ANAPC10: variants seen among roughly 807,000 people sequenced by gnomAD.
The protein encoded by ANAPC10 is anaphase promoting complex subunit 10.
ANAPC10 carries 12 observed loss-of-function variants against 22.0 expected under a neutral mutation model. The observed-to-expected ratio is 0.55, with a 90% CI of 0.35 to 0.88. The LOEUF is 0.88. Ranked by LOEUF, ANAPC10 falls within the 40% of genes least tolerant of loss-of-function variation. The pLI is 0.01. For missense variants in ANAPC10, 188 were observed against 220.9 expected (o/e 0.85, Z 0.94); for synonymous variants, 65 against 69.5 (o/e 0.94, Z 0.32).
chr4:145,081,794 C>G (rs1560925413), intron 2 of ANAPC10, 44 bp from the exon 3 acceptor site: 1 of 1,318,606 alleles, frequency 7.6e-7, no homozygotes. Flanking sequence ...GAAAAAGAAA[C>G]AACTATACAT....
chr4:145,083,494 T>C (rs1746401254), intron 2 of ANAPC10, among the ~76,000 whole-genome samples: 1 of 152,156 alleles, frequency 6.6e-6, no homozygotes, highest in African/African-American at 2.4e-5. Flanking sequence ...TTGATAAATA[T>C]TGCCAAATTG....
chr4:145,069,869 C>CA (rs1744240437), intron 3 of ANAPC10, among the ~76,000 whole-genome samples: 1 of 151,820 alleles, frequency 6.6e-6, no homozygotes, highest in African/African-American at 2.4e-5. Flanking sequence ...AAAAGGTTCA[C>CA]AAAAAATGTA....
chr4:145,060,774 A>C (rs1742770952), intron 4 of ANAPC10, among the ~76,000 whole-genome samples: 1 of 152,054 alleles, frequency 6.6e-6, no homozygotes, highest in Non-Finnish European at 1.5e-5. Flanking sequence ...TTAGTATATG[A>C]GTCAGAAGCA....
intron 4 of ANAPC10, among the ~76,000 whole-genome samples, chr4:145,015,619 C>G (rs148058486): frequency 6.6e-6 from 1 of 152,138 alleles, no homozygotes; most frequent in African/African-American, 2.4e-5. Context: ...AAAAGATCAT[C>G]ACCTAGGCAC....
At chr4:145,034,434 C>A (rs941947355) in intron 4 of ANAPC10, among the ~76,000 whole-genome samples, 14 of 151,428 alleles carry the variant, frequency 9.2e-5, no homozygotes, top group African/African-American at 3.2e-4. Context: ...AGTTTTGGGA[C>A]TCTGACTGGC....
chr4:144,998,816 A>G (rs1415748297), intron 4 of ANAPC10, among the ~76,000 whole-genome samples: 1 of 152,192 alleles, frequency 6.6e-6, no homozygotes. Flanking sequence ...CAAAAAATCA[A>G]TGAATACAGG....
chr4:145,016,799 C>G lies in ANAPC10; in HGVS notation c.328-21196G>C, dbSNP rs542668703. ...TACAGACCAATGCAACAGAACAGAG[C>G]CCTCAGAAATAATACCACACATCTA... is the stretch of plus-strand genomic sequence containing the variant. On this transcript the variant is annotated intron_variant, in intron 4 of 4. Transcript: ENST00000507656. Among the ~76,000 whole-genome samples the G allele has an allele frequency of 1.1e-3, 161 of 152,104 alleles. 1 individual carries two copies. The highest frequency in any genetic ancestry group is 2.5e-3 in the South Asian group (12 of 4,816).
At chr4:145,059,629 A>G (rs183117510) in intron 4 of ANAPC10, among the ~76,000 whole-genome samples, 1 of 152,144 alleles carries the variant, frequency 6.6e-6, no homozygotes, top group Non-Finnish European at 1.5e-5. Flanking sequence ...CTCATATAAC[A>G]ATATAGAAAT....
intron 3 of ANAPC10, among the ~76,000 whole-genome samples, chr4:145,065,217 T>C (rs1743501965): frequency 6.6e-6 from 1 of 152,004 alleles, no homozygotes; most frequent in South Asian, 2.1e-4. Flanking sequence ...TCTTTCTTTC[T>C]TTCTTTCTTT....
intron 4 of ANAPC10, among the ~76,000 whole-genome samples, chr4:145,059,726 CAAT>C (rs1019508536): frequency 6.6e-6 from 1 of 151,896 alleles, no homozygotes; most frequent in African/African-American, 2.4e-5. Flanking sequence ...TTAAAAACAA[CAAT>C]AACTAGTTAG....
chr4:145,016,320 C>G (rs529288821), intron 4 of ANAPC10, among the ~76,000 whole-genome samples: 4 of 152,260 alleles, frequency 2.6e-5, no homozygotes, highest in African/African-American at 7.2e-5. Context: ...TTCTTATACA[C>G]CAATAACAAA....
chr4:145,089,132 T>C (rs1747308126), intron 2 of ANAPC10, among the ~76,000 whole-genome samples: 1 of 152,216 alleles, frequency 6.6e-6, no homozygotes, highest in South Asian at 2.1e-4. Context: ...TTCTATTATA[T>C]TGCTGTCTTA....
At chr4:145,055,120 T>G (rs1741855407) in intron 4 of ANAPC10, among the ~76,000 whole-genome samples, 1 of 152,162 alleles carries the variant, frequency 6.6e-6, no homozygotes, top group Non-Finnish European at 1.5e-5. Context: ...ATAAAGGATC[T>G]TAAGATAAGT....
At chr4:145,028,729 T>C (rs763060393) in intron 4 of ANAPC10, among the ~76,000 whole-genome samples, 2 of 152,208 alleles carry the variant, frequency 1.3e-5, no homozygotes, top group Non-Finnish European at 2.9e-5. Flanking sequence ...TGTTTGACAC[T>C]TGATTCACCA....
At chr4:145,088,751 A>G (rs965210207) in intron 2 of ANAPC10, among the ~76,000 whole-genome samples, 1 of 152,232 alleles carries the variant, frequency 6.6e-6, no homozygotes, top group Non-Finnish European at 1.5e-5. Flanking sequence ...ATTCTGTATC[A>G]GATCATCTTC....
intron 4 of ANAPC10, among the ~76,000 whole-genome samples, chr4:145,008,198 C>G (rs191200317): frequency 2.0e-4 from 30 of 152,272 alleles, no homozygotes; most frequent in African/African-American, 5.5e-4. Context: ...TAATTAATAG[C>G]TTACCAACCA....
At chr4:145,030,197 C>T (rs1215988663) in intron 4 of ANAPC10, among the ~76,000 whole-genome samples, 1 of 152,144 alleles carries the variant, frequency 6.6e-6, no homozygotes, top group African/African-American at 2.4e-5. Flanking sequence ...AAACAGAAAA[C>T]TTCTAGGTCG....
intron 3 of ANAPC10, among the ~76,000 whole-genome samples, chr4:145,065,545 T>A (rs7697779): frequency 6.6e-6 from 1 of 152,000 alleles, no homozygotes; most frequent in African/African-American, 2.4e-5. Context: ...CAAAAATTGA[T>A]GTCTAATGAA....
At chr4:145,040,572 C>A (rs1422328561) in intron 4 of ANAPC10, among the ~76,000 whole-genome samples, 1 of 152,214 alleles carries the variant, frequency 6.6e-6, no homozygotes, top group African/African-American at 2.4e-5. Context: ...ATCATCCCAA[C>A]ATCATATCTC....
Sources: gnomAD v4.1 joint callset for allele counts (sites outside exome capture counted in the v4.1 genomes callset) on GRCh38, gnomAD v4.1.1 for gene constraint, MANE v1.5 for transcripts, NCBI Gene and HGNC (gene_info 2026-07-23, HGNC 2026-07-21) for gene names.